Variants in FSTL5 observed in about 807,000 individuals in gnomAD.
The protein encoded by FSTL5 is follistatin-related protein 5.
Under a neutral mutation model 89.1 loss-of-function variants are expected in FSTL5, and 62 were observed. The ratio of observed to expected loss-of-function variants is 0.70; its 90% CI spans 0.57 to 0.86. The LOEUF (loss-of-function observed/expected upper bound fraction) is 0.86. Ranked by LOEUF, FSTL5 falls within the 40% of genes least tolerant of loss-of-function variation. The pLI, the probability that FSTL5 is intolerant of heterozygous loss-of-function variation, is 0.00. For synonymous variants in FSTL5, 383 were observed against 346.2 expected, an observed-to-expected ratio of 1.11 and a Z score of -1.18; for missense variants, 1,057 against 1,001.6, an observed-to-expected ratio of 1.06 and a Z score of -0.75.
chr4:162,156,770 CT>C (rs1433664533), intron 1 of FSTL5, among the ~76,000 whole-genome samples: 6 of 152,008 alleles, frequency 3.9e-5, no homozygotes, highest in African/African-American at 1.4e-4. Context: ...GAGGCAAAGG[CT>C]GAAAAACTAA....
intron 3 of FSTL5, among the ~76,000 whole-genome samples, chr4:162,020,227 C>T (rs1019904565): frequency 6.6e-6 from 1 of 151,734 alleles, no homozygotes. Context: ...GGGACACAGG[C>T]CCCATGGACA....
chr4:161,499,940 T>C lies in FSTL5; in HGVS notation c.1458+76A>G, dbSNP rs1014616568. The C allele has an allele frequency of 4.9e-6, 4 of 821,062 alleles. No homozygotes were observed. The African/African-American group carries it at 6.8e-5, about 14-fold the overall frequency. 50.9% of individuals were successfully genotyped at this position (821,062 alleles called of 1,614,324 possible). On this transcript the variant is annotated intron_variant, in intron 12 of 15. Transcript: ENST00000306100. ...ACGAGTCTCATATATGTATAGGTTT[T>C]GTTATATTTCCAAAACGTAATTCTA...
chr4:162,108,718 T>C (rs1731323579), intron 2 of FSTL5, among the ~76,000 whole-genome samples: 1 of 151,696 alleles, frequency 6.6e-6, no homozygotes, highest in African/African-American at 2.4e-5. Flanking sequence ...AGTATTGTGC[T>C]GCTGTTGACT....
At chr4:161,653,197 C>T (rs567704347) in intron 7 of FSTL5, among the ~76,000 whole-genome samples, 10 of 152,270 alleles carry the variant, frequency 6.6e-5, no homozygotes, top group South Asian at 2.1e-4. Context: ...CAGAGTATCA[C>T]GCCTGGGGTC....
At chr4:162,105,355 A>G (rs1019932378) in intron 2 of FSTL5, among the ~76,000 whole-genome samples, 2 of 152,180 alleles carry the variant, frequency 1.3e-5, no homozygotes, top group African/African-American at 2.4e-5. Context: ...TTTTACAAAC[A>G]TCTTCGTGAT....
chr4:162,093,315 A>T (rs904651000), intron 2 of FSTL5, among the ~76,000 whole-genome samples: 3 of 152,164 alleles, frequency 2.0e-5, no homozygotes, highest in African/African-American at 7.2e-5. Flanking sequence ...ACCTCTGGAA[A>T]ATTTTAACTA....
intron 10 of FSTL5, among the ~76,000 whole-genome samples, chr4:161,531,573 T>C (rs1731412649): frequency 6.6e-6 from 1 of 152,170 alleles, no homozygotes; most frequent in Non-Finnish European, 1.5e-5. Context: ...AAGTATAAAT[T>C]GACTCAATGT....
chr4:162,117,569 C>A (rs1217002496), intron 1 of FSTL5, among the ~76,000 whole-genome samples: 3 of 152,106 alleles, frequency 2.0e-5, no homozygotes, highest in African/African-American at 4.8e-5. Context: ...ACTATGCTGT[C>A]AGGCAGGTTT....
intron 8 of FSTL5, among the ~76,000 whole-genome samples, chr4:161,559,555 T>A (rs541988828): frequency 6.6e-6 from 1 of 152,068 alleles, no homozygotes; most frequent in African/African-American, 2.4e-5. Context: ...ATACAAAAAG[T>A]ACACTGTGAA....
At chr4:162,134,805 C>G (rs193090848) in intron 1 of FSTL5, among the ~76,000 whole-genome samples, 1 of 152,148 alleles carries the variant, frequency 6.6e-6, no homozygotes, top group East Asian at 1.9e-4. Flanking sequence ...TTACCACCAC[C>G]GATGTTTATA....
At chr4:162,158,259 C>A (rs1275377196) in intron 1 of FSTL5, among the ~76,000 whole-genome samples, 1 of 152,018 alleles carries the variant, frequency 6.6e-6, no homozygotes, top group Non-Finnish European at 1.5e-5. Flanking sequence ...CTACTCTATT[C>A]TGTTGTTTCT....
chr4:161,674,039 G>A (rs2126701163), intron 6 of FSTL5, among the ~76,000 whole-genome samples: 1 of 151,868 alleles, frequency 6.6e-6, no homozygotes, highest in South Asian at 2.1e-4. Context: ...GTACTATTCA[G>A]CATACCATTA....
intron 4 of FSTL5, among the ~76,000 whole-genome samples, chr4:161,914,379 A>C (rs761002962): frequency 6.6e-5 from 10 of 152,168 alleles, no homozygotes; most frequent in Non-Finnish European, 1.3e-4. Flanking sequence ...TATATATATC[A>C]CAGGGGAAAA....
intron 1 of FSTL5, among the ~76,000 whole-genome samples, chr4:162,126,382 G>C (rs911192450): frequency 9.9e-5 from 15 of 152,028 alleles, no homozygotes; most frequent in African/African-American, 3.6e-4. Context: ...ACTTTCAAAT[G>C]TCTTGTGGCA....
At chr4:162,000,596 T>TAAAAA (rs757799699) in intron 3 of FSTL5, among the ~76,000 whole-genome samples, 2 of 139,002 alleles carry the variant, frequency 1.4e-5, no homozygotes, top group East Asian at 2.1e-4. Context: ...AGACTCAGTC[T>TAAAAA]AAAAAAAAAA....
At chr4:161,770,623 T>C (rs1741175330) in intron 5 of FSTL5, among the ~76,000 whole-genome samples, 1 of 152,020 alleles carries the variant, frequency 6.6e-6, no homozygotes, top group Non-Finnish European at 1.5e-5. Flanking sequence ...TTTCATCACA[T>C]ATGTATGTCC....
chr4:161,680,543 C>T (rs939193371), intron 6 of FSTL5, among the ~76,000 whole-genome samples: 5 of 151,908 alleles, frequency 3.3e-5, no homozygotes, highest in African/African-American at 1.2e-4. Context: ...CTTTCTCCCT[C>T]TGCTAGCTTT....
At chr4:161,807,876 A>G (rs1322773379) in intron 4 of FSTL5, among the ~76,000 whole-genome samples, 1 of 152,194 alleles carries the variant, frequency 6.6e-6, no homozygotes, top group Non-Finnish European at 1.5e-5. Context: ...TAGTGTTTGA[A>G]GTCCTAAACC....
chr4:161,410,944 G>T (rs1242921895), intron 15 of FSTL5, among the ~76,000 whole-genome samples: 2 of 115,348 alleles, frequency 1.7e-5, no homozygotes, highest in Non-Finnish European at 3.8e-5. Context: ...ACCAAGGGTT[G>T]GTTGTTCAAA....
Sources: gnomAD v4.1 joint callset for allele counts (sites outside exome capture counted in the v4.1 genomes callset) on GRCh38, gnomAD v4.1.1 for gene constraint, MANE v1.5 for transcripts, NCBI Gene and HGNC (gene_info 2026-07-23, HGNC 2026-07-21) for gene names.